Variants in TMEM217 observed in about 807,000 individuals in gnomAD.
TMEM217 encodes chromosome 6 open reading frame 128.
For missense variants in TMEM217, 204 were observed against 248.8 expected (o/e 0.82, Z 1.21); for synonymous variants, 76 against 88.3 (o/e 0.86, Z 0.78).
At chr6:37,226,558 A>C (rs1763855828) in intron 1 of TMEM217, among the ~76,000 whole-genome samples, 1 of 150,452 alleles carries the variant, frequency 6.6e-6, no homozygotes, top group South Asian at 2.1e-4. Flanking sequence ...CGGCCACCCA[A>C]AGTGCTGGGA....
chr6:37,219,050 A>T lies in TMEM217; in HGVS notation c.-11-9T>A. On this transcript the variant is annotated splice_polypyrimidine_tract_variant and intron_variant, in intron 1 of 1. Transcript: ENST00000357219. ...TTTCATGCTGAGACCTCCTGTGAAG[A>T]CAAACAACATGAGGGAGAATTCTAG... The T allele has an allele frequency of 6.2e-7, 1 of 1,603,652 alleles. No individual in the cohort carries two copies. Among genetic ancestry groups the T allele is most frequent in the South Asian group, 1.1e-5 (1 of 90,218 alleles).
At chr6:37,232,670 A>G (rs1288207778) in intron 1 of TMEM217, among the ~76,000 whole-genome samples, 1 of 152,126 alleles carries the variant, frequency 6.6e-6, no homozygotes, top group Non-Finnish European at 1.5e-5. Context: ...TTCCACATAT[A>G]CACTCCCTTC....
At chr6:37,215,168 T>A (rs778610220), downstream of TMEM217, 2 of 1,608,912 alleles carry the variant, frequency 1.2e-6, no homozygotes, top group Non-Finnish European at 1.7e-6. Flanking sequence ...GCCAAGGTCC[T>A]CTGGTACATT....
chr6:37,252,629 ATATATATATTTT>A (rs1765485921), intron 1 of TMEM217, among the ~76,000 whole-genome samples: 7 of 72,730 alleles, frequency 9.6e-5, no homozygotes, highest in African/African-American at 4.3e-4. Context: ...ATATATATAT[ATATATATATTTT>A]TTTTTTTTTT....
At chr6:37,224,129 G>C (rs1468068561) in intron 1 of TMEM217, among the ~76,000 whole-genome samples, 2 of 150,594 alleles carry the variant, frequency 1.3e-5, no homozygotes, top group Non-Finnish European at 3.0e-5. Context: ...AGTAGAGACA[G>C]AGTTTTACCA....
chr6:37,241,929 G>A (rs1000517058), intron 1 of TMEM217, among the ~76,000 whole-genome samples: 11 of 151,494 alleles, frequency 7.3e-5, no homozygotes, highest in African/African-American at 1.5e-4. Flanking sequence ...GCTTTATCGC[G>A]TTGTCTTTAT....
At chr6:37,251,873 G>A (rs1220707185) in intron 1 of TMEM217, among the ~76,000 whole-genome samples, 1 of 152,152 alleles carries the variant, frequency 6.6e-6, no homozygotes, top group Non-Finnish European at 1.5e-5. Flanking sequence ...TATGACCTAG[G>A]AGATAAAAAT....
chr6:37,249,192 T>C (rs926421546), intron 1 of TMEM217, among the ~76,000 whole-genome samples: 1 of 152,258 alleles, frequency 6.6e-6, no homozygotes, highest in African/African-American at 2.4e-5. Context: ...GATTTTAATG[T>C]AGACAAATAT....
chr6:37,231,097 T>C (rs1192806585), intron 1 of TMEM217, among the ~76,000 whole-genome samples: 1 of 152,036 alleles, frequency 6.6e-6, no homozygotes, highest in African/African-American at 2.4e-5. Context: ...AGTCTTACTC[T>C]GTCCCAGGCT....
At chr6:37,241,220 T>C (rs527733761) in intron 1 of TMEM217, among the ~76,000 whole-genome samples, 3 of 151,606 alleles carry the variant, frequency 2.0e-5, no homozygotes, top group African/African-American at 7.3e-5. Flanking sequence ...TAGTTAGAAC[T>C]ACAGCTGCGT....
intron 1 of TMEM217, among the ~76,000 whole-genome samples, chr6:37,239,507 A>G (rs1299093983): frequency 6.6e-6 from 1 of 151,888 alleles, no homozygotes; most frequent in Non-Finnish European, 1.5e-5. Context: ...TAAATAAATA[A>G]GTAAATAAAA....
At chr6:37,240,327 TG>T (rs1764703614) in intron 1 of TMEM217, among the ~76,000 whole-genome samples, 1 of 152,192 alleles carries the variant, frequency 6.6e-6, no homozygotes, top group Non-Finnish European at 1.5e-5. Flanking sequence ...GCTCTACTTG[TG>T]GGAGGGAAGT....
In TMEM217 at chr6:37,240,397, T is replaced by G. The variant is rs569489106; in HGVS notation, c.-12+17171A>C. On this transcript the variant is annotated intron_variant, in intron 1 of 1. Transcript: ENST00000357219. ...GGAAGCCACAGTTCTTTCTTGGCTG[T>G]TGGCCAGAGAACTCAGTTCCTCACC... 1.6e-3 allele frequency among the ~76,000 whole-genome samples: 249 copies of G among 152,336 alleles called. 2 individuals are homozygous for G. Among genetic ancestry groups the G allele is most frequent in the Non-Finnish European group, 2.6e-3 (175 of 68,022 alleles).
chr6:37,215,570 C>CGAAAAAAAAAA (rs1763146807), downstream of TMEM217, among the ~76,000 whole-genome samples: 40 of 72,368 alleles, frequency 5.5e-4, 1 homozygote, highest in African/African-American at 1.1e-3. Context: ...GACTCTGTCT[C>CGAAAAAAAAAA]AAAAAAAAAA....
At chr6:37,239,633 T>C (rs1008146113) in intron 1 of TMEM217, among the ~76,000 whole-genome samples, 2 of 152,184 alleles carry the variant, frequency 1.3e-5, no homozygotes, top group Admixed American at 6.5e-5. Flanking sequence ...TACTCAATCA[T>C]GGTAAGAACT....
chr6:37,231,162 C>A (rs563720632), intron 1 of TMEM217, among the ~76,000 whole-genome samples: 12 of 151,188 alleles, frequency 7.9e-5, no homozygotes, highest in Non-Finnish European at 1.3e-4. Context: ...CGGGTTCAAG[C>A]GATTCTCCTG....
intron 1 of TMEM217, among the ~76,000 whole-genome samples, chr6:37,225,590 C>T (rs1347665344): frequency 6.6e-6 from 1 of 152,206 alleles, no homozygotes. Flanking sequence ...GCCTCCCATC[C>T]AACTAAAACA....
downstream of TMEM217, among the ~76,000 whole-genome samples, chr6:37,213,634 C>T (rs1763023343): frequency 6.6e-6 from 1 of 152,244 alleles, no homozygotes; most frequent in South Asian, 2.1e-4. Context: ...GCCCAGCAGG[C>T]AGACCTCCAG....
rs1489045294 is a variant in TMEM217, at chr6:37,252,635, A to ATTTTTTT, written c.-12+4932_-12+4933insAAAAAAA. Among the ~76,000 whole-genome samples the ATTTTTTT allele has an allele frequency of 1.5e-4, 9 of 60,392 alleles. 1 individual carries two copies. The highest frequency in any genetic ancestry group is 5.3e-4 in the African/African-American group (9 of 16,848). 39.6% of individuals were successfully genotyped at this position (60,392 alleles called of 152,430 possible). On this transcript the variant is annotated intron_variant, in intron 1 of 1. Coordinates refer to ENST00000357219, the Ensembl canonical transcript of TMEM217. Reference sequence around the variant, plus strand: ...TGTGTGTGTATATATATATATATATATATTTTTTTTTTTTTTTTTTTTTTG... The same window carrying ATTTTTTT: ...TGTGTGTGTATATATATATATATATATTTTTTTTATTTTTTTTTTTTTTTTTTTTTTG...
Sources: gnomAD v4.1 joint callset for allele counts (sites outside exome capture counted in the v4.1 genomes callset) on GRCh38, gnomAD v4.1.1 for gene constraint, MANE v1.5 for transcripts, NCBI Gene and HGNC (gene_info 2026-07-23, HGNC 2026-07-21) for gene names.